The following RNF114 variants were observed in gnomAD, a reference collection of about 807,000 sequenced individuals.
RNF114 encodes the protein E3 ubiquitin-protein ligase RNF114.
In RNF114, 6 loss-of-function variants were observed where a neutral mutation model predicts 28.4. That is an observed-to-expected ratio of 0.21 (90% CI 0.12 to 0.42). The LOEUF (loss-of-function observed/expected upper bound fraction) is 0.42. Among genes scored for constraint, RNF114 ranks in the 10% least tolerant of loss-of-function variants. RNF114 has a pLI of 1.00. For missense variants in RNF114, 249 were observed against 311.7 expected, an observed-to-expected ratio of 0.80 and a Z score of 1.51; for synonymous variants, 115 against 116.7, an observed-to-expected ratio of 0.99 and a Z score of 0.09.
intron 4 of RNF114, among the ~76,000 whole-genome samples, chr20:49,948,904 C>T (rs762717450): frequency 1.3e-5 from 2 of 152,142 alleles, no homozygotes; most frequent in African/African-American, 2.4e-5. Context: ...CATTGCTCAT[C>T]GGCTTATTTT....
intron 1 of RNF114, 43 bp from the exon 2 acceptor site, chr20:49,941,518 C>A: frequency 6.5e-7 from 1 of 1,528,470 alleles, no homozygotes; most frequent in Non-Finnish European, 8.8e-7. Flanking sequence ...GTCGTCTTGT[C>A]TCCATGATGC....
intron 2 of RNF114, 112 bp downstream of exon 2, chr20:49,941,823 C>T (rs891023547): frequency 4.7e-5 from 50 of 1,066,256 alleles, no homozygotes; most frequent in South Asian, 4.6e-4. Context: ...ACTAACAGCA[C>T]GCGTGCATGC....
At chr20:49,937,375 G>A (rs1221564495) in intron 1 of RNF114, among the ~76,000 whole-genome samples, 1 of 152,136 alleles carries the variant, frequency 6.6e-6, no homozygotes, top group Admixed American at 6.5e-5. Context: ...CTTTTCCTCT[G>A]GCCCCTCTCA....
chr20:49,939,961 G>A (rs2090300931), intron 1 of RNF114, among the ~76,000 whole-genome samples: 1 of 149,642 alleles, frequency 6.7e-6, no homozygotes, highest in Non-Finnish European at 1.5e-5. Context: ...GTCTGAAGCA[G>A]GAGAATCGCT....
Position 49,943,651 on chromosome 20 carries a change from C to CTTTTTT in RNF114, c.292-1711_292-1706dup, listed in dbSNP as rs60425763. Among the ~76,000 whole-genome samples, 617 of 72,146 alleles carry CTTTTTT rather than the reference C, an allele frequency of 8.6e-3. 18 individuals carry two copies. Among genetic ancestry groups the CTTTTTT allele is most frequent in the African/African-American group, 0.012 (210 of 16,852 alleles). The allele number at this position is 72,146 out of a possible 152,430, so 47.3% of individuals were successfully genotyped here. A position where few individuals can be genotyped will look rare whatever the true frequency, so the allele number is the denominator to read the frequency against. ...TTGAAATACAATTCCCTACTGTCTT[C>CTTTTTT]TTTTTTTTTTTTTTTTTTTTTTTTT... is the stretch of plus-strand genomic sequence containing the variant. On this transcript the variant is annotated intron_variant, in intron 2 of 5. Transcript: ENST00000244061.
intron 5 of RNF114, among the ~76,000 whole-genome samples, chr20:49,951,064 A>G (rs1478165532): frequency 6.6e-6 from 1 of 152,190 alleles, no homozygotes; most frequent in Non-Finnish European, 1.5e-5. Flanking sequence ...TTATAGTAGT[A>G]GGTAACTTTG....
intron 2 of RNF114, among the ~76,000 whole-genome samples, chr20:49,943,595 C>T (rs1027166567): frequency 6.7e-6 from 1 of 149,966 alleles, no homozygotes; most frequent in African/African-American, 2.5e-5. Flanking sequence ...TTTTTTCCCC[C>T]TTTGAAGTTT....
intron 1 of RNF114, 124 bp downstream of exon 1, chr20:49,936,676 C>T (rs1031450039): frequency 2.4e-6 from 3 of 1,232,366 alleles, no homozygotes; most frequent in African/African-American, 1.6e-5. Context: ...CGGGGGTGTC[C>T]CCCGGGGCTC....
At chr20:49,936,692 G>A (rs1312342905) in intron 1 of RNF114, 140 bp downstream of exon 1, 9 of 1,024,684 alleles carry the variant, frequency 8.8e-6, no homozygotes, top group Admixed American at 3.7e-5. Flanking sequence ...GGCTCCTAAG[G>A]GCCGTGAAAG....
chr20:49,939,103 A>G (rs1600867839), intron 1 of RNF114, among the ~76,000 whole-genome samples: 2 of 152,104 alleles, frequency 1.3e-5, no homozygotes, highest in Non-Finnish European at 2.9e-5. Flanking sequence ...TGTCCTCGTA[A>G]TCAGGTCCCA....
chr20:49,951,985 A>ATCCAGTTGCTAGGCTGTCCTGCTTCGGT, intron 5 of RNF114, 91 bp from the exon 6 acceptor site: 1 of 1,086,318 alleles, frequency 9.2e-7, no homozygotes, highest in Non-Finnish European at 1.4e-6. Flanking sequence ...CCTGCTCCGG[A>ATCCAGTTGCTAGGCTGTCCTGCTTCGGT]TCCAGTTGCT....
intron 2 of RNF114, among the ~76,000 whole-genome samples, chr20:49,943,647 T>C (rs6095712): frequency 0.89 from 111,856 of 126,012 alleles, 50,198 homozygotes; most frequent in East Asian, 0.92. Flanking sequence ...TTCCCTACTG[T>C]CTTCTTTTTT....
At chr20:49,939,153 G>C (rs1000076915) in intron 1 of RNF114, among the ~76,000 whole-genome samples, 2 of 152,182 alleles carry the variant, frequency 1.3e-5, no homozygotes, top group African/African-American at 4.8e-5. Flanking sequence ...AGCTTTCTAT[G>C]ATCACCCCAG....
intron 5 of RNF114, 43 bp from the exon 6 acceptor site, chr20:49,952,033 C>A: frequency 6.8e-7 from 1 of 1,466,600 alleles, no homozygotes. Context: ...GTCTTTGCAT[C>A]TAGAAACAGT....
chr20:49,937,070 G>C (rs1401113629), intron 1 of RNF114, among the ~76,000 whole-genome samples: 6 of 152,196 alleles, frequency 3.9e-5, no homozygotes. Context: ...CTGTGAAAGG[G>C]GGGTGGGAGT....
chr20:49,942,716 C>T (rs867897313), intron 2 of RNF114, among the ~76,000 whole-genome samples: 1 of 151,950 alleles, frequency 6.6e-6, no homozygotes, highest in Non-Finnish European at 1.5e-5. Flanking sequence ...CTCAACTGTT[C>T]GGGAGGCTGA....
At chr20:49,943,857 C>CACAT (rs1568919592) in intron 2 of RNF114, 1 of 109,762 alleles carries the variant, frequency 9.1e-6, no homozygotes, top group African/African-American at 3.5e-5. Flanking sequence ...CACACACACA[C>CACAT]ATACATACAC....
intron 1 of RNF114, among the ~76,000 whole-genome samples, chr20:49,936,790 A>G (rs993146497): frequency 6.6e-6 from 1 of 151,846 alleles, no homozygotes; most frequent in African/African-American, 2.4e-5. Flanking sequence ...CTGTCTGTTG[A>G]GCGCCTGCGA....
Position 49,952,154 on chromosome 20 carries a change from C to G in RNF114, c.*13C>G, listed in dbSNP as rs1261176440. 1 of 1,609,886 alleles carries G rather than the reference C, an allele frequency of 6.2e-7. No homozygotes were observed. The highest frequency in any genetic ancestry group is 1.7e-5 in the Admixed American group (1 of 60,014). The stretch of plus-strand genomic sequence containing the variant: ...CATCGACCAGTGAGCAGAGTCCGTG[C>G]TTGCTATCTGTCTCATGTTACAGAG... On this transcript the variant is annotated 3_prime_UTR_variant, in exon 6 of 6. Transcript: ENST00000244061.
Sources: allele counts gnomAD v4.1 joint callset (sites outside exome capture counted in the v4.1 genomes callset), GRCh38; gene constraint gnomAD v4.1.1; transcripts MANE v1.5; gene names NCBI Gene and HGNC (gene_info 2026-07-23, HGNC 2026-07-21).